The following SPRED2 variants were observed in gnomAD, a reference collection of about 807,000 sequenced individuals.
SPRED2 encodes the protein sprouty-related, EVH1 domain-containing protein 2.
A neutral mutation model predicts 43.0 loss-of-function variants in SPRED2; 47 were observed. The observed-to-expected ratio is 1.09, with a 90% CI of 0.87 to 1.40. The LOEUF is 1.40. Among genes scored for constraint, SPRED2 ranks in the 40% most tolerant of loss-of-function variants. SPRED2 has a pLI of 0.00. For missense variants in SPRED2, 561 were observed against 586.4 expected, an observed-to-expected ratio of 0.96 and a Z score of 0.45; for synonymous variants, 225 against 225.7, an observed-to-expected ratio of 1.00 and a Z score of 0.03.
chr2:65,353,318 C>G (rs748232661), intron 1 of SPRED2, among the ~76,000 whole-genome samples: 4 of 152,102 alleles, frequency 2.6e-5, no homozygotes, highest in East Asian at 1.9e-4. Flanking sequence ...TTGGATAAGC[C>G]GAGCATCTTT....
At chr2:65,335,133 C>T (rs1227958387) in intron 2 of SPRED2, among the ~76,000 whole-genome samples, 1 of 152,168 alleles carries the variant, frequency 6.6e-6, no homozygotes, top group Admixed American at 6.5e-5. Flanking sequence ...TCTAGCTTCC[C>T]TCCCCCGAGG....
chr2:65,342,991 G>A (rs1558660494), intron 2 of SPRED2, among the ~76,000 whole-genome samples: 1 of 152,122 alleles, frequency 6.6e-6, no homozygotes, highest in Non-Finnish European at 1.5e-5. Context: ...AAAGGGCTAA[G>A]GGTGGTTGTT....
Position 65,316,823 on chromosome 2 carries a change from A to T in SPRED2, c.499T>A (p.Ser167Thr), listed in dbSNP as rs758197090. Reference sequence around the variant, plus strand: ...CGGTGCTCACAGGATGTGGGAGAGGAGATTGTCCGAGTAGGTTGCTCTCTC... The same window carrying T: ...CGGTGCTCACAGGATGTGGGAGAGGTGATTGTCCGAGTAGGTTGCTCTCTC... ...QKREQPTRTI[S>T]SPTSCEHRRI... is the part of the protein sequence containing the mutation. Residue 167 changes from serine (S) to threonine (T), a missense_variant, in exon 5 of 6, where the codon TCC (serine) becomes ACC (threonine). Physicochemically the swap from Ser to Thr is moderately conservative, Grantham distance 58. Transcript: ENST00000356388. 7.4e-6 allele frequency: 12 copies of T among 1,613,712 alleles called. No individual in the cohort carries two copies. The East Asian group carries it at 2.7e-4, about 36-fold the overall frequency.
At chr2:65,428,168 A>T (rs1264592140) in intron 1 of SPRED2, among the ~76,000 whole-genome samples, 2 of 152,248 alleles carry the variant, frequency 1.3e-5, no homozygotes, top group African/African-American at 2.4e-5. Flanking sequence ...AAAGAGCCAC[A>T]TAGGGCACCT....
chr2:65,412,630 CTT>C (rs1055478786), intron 1 of SPRED2, among the ~76,000 whole-genome samples: 1 of 152,148 alleles, frequency 6.6e-6, no homozygotes, highest in Non-Finnish European at 1.5e-5. Flanking sequence ...TAGTCAGAGG[CTT>C]TTGTTTAATG....
At chr2:65,386,946 C>A (rs1193015286) in intron 1 of SPRED2, among the ~76,000 whole-genome samples, 2 of 150,644 alleles carry the variant, frequency 1.3e-5, no homozygotes, top group Non-Finnish European at 2.9e-5. Context: ...CTAGAACTCA[C>A]ACGGATGAAC....
At chr2:65,339,309 A>G (rs1674107823) in intron 2 of SPRED2, among the ~76,000 whole-genome samples, 1 of 151,984 alleles carries the variant, frequency 6.6e-6, no homozygotes, top group African/African-American at 2.4e-5. Flanking sequence ...GAAAGGATTG[A>G]GAAATCGGAT....
rs974782205 is a variant in SPRED2, at chr2:65,312,263, T to G, written c.*1238A>C. The G allele has an allele frequency of 9.1e-5, 90 of 985,460 alleles. No individual in the cohort carries two copies. Among genetic ancestry groups the G allele is most frequent in the Non-Finnish European group, 1.0e-4 (86 of 829,928 alleles). 61.0% of individuals were successfully genotyped at this position (985,460 alleles called of 1,614,324 possible). A position where few individuals can be genotyped will look rare whatever the true frequency, so the allele number is the denominator to read the frequency against. On this transcript the variant is annotated 3_prime_UTR_variant, in exon 6 of 6. Transcript: ENST00000356388. ...GTTTGGAGTTGCAGGAGAAAGACAC[T>G]TAGGCATTGGAAGGGTTTTTACATA...
intron 1 of SPRED2, among the ~76,000 whole-genome samples, chr2:65,366,305 A>AAACAACAAC (rs6146790): frequency 0.07 from 10,643 of 151,518 alleles, 501 homozygotes; most frequent in Middle Eastern, 0.15. Flanking sequence ...TAATAATAAA[A>AAACAACAAC]AACAACAACA....
Position 65,313,804 on chromosome 2 carries a change from G to A in SPRED2, c.954C>T (p.His318=), listed in dbSNP as rs771529653. ...GGCAGTGGCCCCGGCGGTTCTCCTC[G>A]TGGTTGAACATGTCCCTGCAGTACA... is the stretch of plus-strand genomic sequence containing the variant. ...RCVYCRDMFN[H]EENRRGHCQD... Residue 318 remains histidine (H), a synonymous_variant, in exon 6 of 6, where the codon CAC becomes CAT. Coordinates refer to ENST00000356388, the MANE Select transcript of SPRED2 (RefSeq NM_181784.3). 2.1e-5 allele frequency: 34 copies of A among 1,613,800 alleles called. 2 individuals are homozygous for A. Among genetic ancestry groups the A allele is most frequent in the Middle Eastern group, 1.6e-4 (1 of 6,084 alleles).
intron 1 of SPRED2, among the ~76,000 whole-genome samples, chr2:65,365,445 CTT>C (rs1674945035): frequency 6.6e-6 from 1 of 152,222 alleles, no homozygotes; most frequent in Non-Finnish European, 1.5e-5. Context: ...AATTCATACA[CTT>C]CAAGGAAAAC....
chr2:65,310,950 G>A lies in SPRED2; in HGVS notation c.*2551C>T, dbSNP rs1304091241. 2 of 982,388 alleles carry A rather than the reference G, an allele frequency of 2.0e-6. No homozygotes were observed. Among genetic ancestry groups the A allele is most frequent in the Non-Finnish European group, 2.4e-6 (2 of 827,026 alleles). The allele number at this position is 982,388 out of a possible 1,614,324, so 60.9% of individuals were successfully genotyped here. On this transcript the variant is annotated 3_prime_UTR_variant, in exon 6 of 6. Transcript: ENST00000356388. Reference sequence around the variant, plus strand: ...ATAAAAAAAAGTTAAGAACTAAAATGTACATCATACACTTGTATATATATT... The same window carrying A: ...ATAAAAAAAAGTTAAGAACTAAAATATACATCATACACTTGTATATATATT...
At chr2:65,394,071 T>C (rs776707822) in intron 1 of SPRED2, among the ~76,000 whole-genome samples, 1 of 152,164 alleles carries the variant, frequency 6.6e-6, no homozygotes, top group African/African-American at 2.4e-5. Flanking sequence ...TTTCAATGAA[T>C]AGCAGCTGCT....
At position 65,310,975 on chromosome 2, in the gene SPRED2, T is replaced by A. The variant is rs947317192; in HGVS notation, c.*2526A>T. ...GTACATCATACACTTGTATATATAT[T>A]TTTTACACAGAGGTAAAAAGGCTTA... On this transcript the variant is annotated 3_prime_UTR_variant, in exon 6 of 6. Transcript: ENST00000356388. The A allele has an allele frequency of 7.1e-6, 7 of 982,842 alleles. No individual in the cohort carries two copies. In the African/African-American group the frequency reaches 8.7e-5, roughly 12 times the overall value. The allele number at this position is 982,842 out of a possible 1,614,324, so 60.9% of individuals were successfully genotyped here.
chr2:65,361,976 AAAC>A lies in SPRED2; in HGVS notation c.27-17083_27-17081del, dbSNP rs1257296383. On this transcript the variant is annotated intron_variant, in intron 1 of 5. Transcript: ENST00000356388. ...GTACAGGGAACATGTGTTTAAAAGAAAACAACAACAACAAAAAAAGCCAAATCT... is the reference window on the plus strand; with the variant it reads ...GTACAGGGAACATGTGTTTAAAAGAAAACAACAACAAAAAAAGCCAAATCT... Among the ~76,000 whole-genome samples, 6 of 152,372 alleles carry A rather than the reference AAAC, an allele frequency of 3.9e-5. No individual in the cohort carries two copies. In the East Asian group the frequency reaches 5.8e-4, roughly 15 times the overall value.
At chr2:65,364,056 C>A (rs966291092) in intron 1 of SPRED2, among the ~76,000 whole-genome samples, 1 of 152,096 alleles carries the variant, frequency 6.6e-6, no homozygotes, top group Non-Finnish European at 1.5e-5. Flanking sequence ...ACATGGCCAC[C>A]AAAACTATCA....
intron 1 of SPRED2, among the ~76,000 whole-genome samples, chr2:65,361,266 A>T (rs1332305056): frequency 6.6e-6 from 1 of 152,218 alleles, no homozygotes; most frequent in African/African-American, 2.4e-5. Context: ...CTTCAAATGT[A>T]AGTGTAAATG....
chr2:65,402,461 T>C (rs1369984721), intron 1 of SPRED2, among the ~76,000 whole-genome samples: 1 of 152,036 alleles, frequency 6.6e-6, no homozygotes, highest in African/African-American at 2.4e-5. Flanking sequence ...TAGACAACCA[T>C]ATGGAGATAC....
At chr2:65,338,928 T>C in intron 2 of SPRED2, among the ~76,000 whole-genome samples, 1 of 151,860 alleles carries the variant, frequency 6.6e-6, no homozygotes, top group African/African-American at 2.4e-5. Flanking sequence ...GTCTGAGATG[T>C]GGGGAGCGCC....
Sources: allele counts gnomAD v4.1 joint callset (sites outside exome capture counted in the v4.1 genomes callset), GRCh38; gene constraint gnomAD v4.1.1; transcripts MANE v1.5; gene names NCBI Gene and HGNC (gene_info 2026-07-23, HGNC 2026-07-21).